NALF1: variants seen among roughly 807,000 people sequenced by gnomAD.
The protein encoded by NALF1 is NALCN channel auxiliary factor 1.
A neutral mutation model predicts 48.4 loss-of-function variants in NALF1; 3 were observed. The observed-to-expected ratio is 0.06, with a 90% CI of 0.03 to 0.16. NALF1 has a LOEUF of 0.16. NALF1 is among the 10% of genes least tolerant of loss of function. The pLI is 1.00. For synonymous variants in NALF1, 262 were observed against 245.7 expected, an observed-to-expected ratio of 1.07 and a Z score of -0.62; for missense variants, 526 against 571.5, an observed-to-expected ratio of 0.92 and a Z score of 0.81.
At chr13:107,718,788 T>G (rs1453799687) in intron 1 of NALF1, among the ~76,000 whole-genome samples, 1 of 152,322 alleles carries the variant, frequency 6.6e-6, no homozygotes, top group East Asian at 1.9e-4. Context: ...TACTTGTAGC[T>G]ATTCAAGCTT....
At chr13:107,578,134 T>C (rs139171702) in intron 1 of NALF1, among the ~76,000 whole-genome samples, 1 of 152,144 alleles carries the variant, frequency 6.6e-6, no homozygotes, top group Non-Finnish European at 1.5e-5. Flanking sequence ...TCACTGGAAC[T>C]TAACATTTGA....
rs192242883 is a variant in NALF1 at position 107,537,558 on chromosome 13, C to T, written c.916-326803G>A. Among the ~76,000 whole-genome samples, 100 of 152,122 alleles carry T rather than the reference C, an allele frequency of 6.6e-4. 1 individual carries two copies. Among genetic ancestry groups the T allele is most frequent in the African/African-American group, 1.7e-3 (69 of 41,522 alleles). ...TAATGATACAGTTGTCGTCTTATATCGGAATGTGAAACTCAAAAGCCTTCA... is the reference window on the plus strand; with the variant it reads ...TAATGATACAGTTGTCGTCTTATATTGGAATGTGAAACTCAAAAGCCTTCA... On this transcript the variant is annotated intron_variant, in intron 1 of 2. Transcript: ENST00000375915.
chr13:107,726,674 A>C (rs1357420255), intron 1 of NALF1, among the ~76,000 whole-genome samples: 1 of 138,868 alleles, frequency 7.2e-6, no homozygotes, highest in African/African-American at 2.7e-5. Context: ...CAGTGGCGCT[A>C]TCTCTGTTCA....
chr13:107,319,444 A>AC (rs769167184), intron 1 of NALF1, among the ~76,000 whole-genome samples: 1 of 152,074 alleles, frequency 6.6e-6, no homozygotes, highest in Non-Finnish European at 1.5e-5. Context: ...ACAGCCAAGA[A>AC]CACCACTGGA....
At chr13:107,746,227 A>G (rs2138548368) in intron 1 of NALF1, among the ~76,000 whole-genome samples, 1 of 152,326 alleles carries the variant, frequency 6.6e-6, no homozygotes. Flanking sequence ...TTCCTCTTCC[A>G]CCATGATTGT....
chr13:107,250,788 T>C (rs1314354120), intron 1 of NALF1, among the ~76,000 whole-genome samples: 1 of 152,112 alleles, frequency 6.6e-6, no homozygotes, highest in East Asian at 1.9e-4. Flanking sequence ...TAGTGGGAAG[T>C]GATTGGATCA....
At chr13:107,415,849 A>G (rs1482446544) in intron 1 of NALF1, among the ~76,000 whole-genome samples, 1 of 152,166 alleles carries the variant, frequency 6.6e-6, no homozygotes, top group East Asian at 1.9e-4. Flanking sequence ...TAACTACAAT[A>G]TTGAGAAACT....
intron 1 of NALF1, among the ~76,000 whole-genome samples, chr13:107,779,000 CAGTCAAT>C (rs1483420919): frequency 6.6e-6 from 1 of 152,206 alleles, no homozygotes; most frequent in African/African-American, 2.4e-5. Flanking sequence ...ACCTTCTCTA[CAGTCAAT>C]AGTCAAGTTC....
intron 1 of NALF1, among the ~76,000 whole-genome samples, chr13:107,583,997 T>C (rs186800604): frequency 2.0e-5 from 3 of 152,228 alleles, no homozygotes; most frequent in African/African-American, 2.4e-5. Flanking sequence ...AGGGAGTATA[T>C]AGCAATGAGG....
chr13:107,598,813 TC>T (rs759830396), intron 1 of NALF1, among the ~76,000 whole-genome samples: 3 of 152,062 alleles, frequency 2.0e-5, no homozygotes, highest in Non-Finnish European at 2.9e-5. Flanking sequence ...GCAGTGGCCT[TC>T]TCCCTCCATT....
At chr13:107,388,229 C>A (rs879915475) in intron 1 of NALF1, among the ~76,000 whole-genome samples, 1 of 152,170 alleles carries the variant, frequency 6.6e-6, no homozygotes, top group Non-Finnish European at 1.5e-5. Flanking sequence ...TTTTTTCCAA[C>A]TCTGATCTCA....
intron 1 of NALF1, among the ~76,000 whole-genome samples, chr13:107,460,818 T>C (rs140710047): frequency 4.6e-5 from 7 of 152,356 alleles, no homozygotes; most frequent in African/African-American, 1.7e-4. Context: ...CTAAGGATTC[T>C]TTGCAGACTA....
chr13:107,448,399 G>C (rs1884685362), intron 1 of NALF1, among the ~76,000 whole-genome samples: 1 of 152,116 alleles, frequency 6.6e-6, no homozygotes, highest in Non-Finnish European at 1.5e-5. Flanking sequence ...CTCATGTTAT[G>C]AAAGTATGAG....
At chr13:107,223,755 T>G (rs1880042210) in intron 1 of NALF1, among the ~76,000 whole-genome samples, 1 of 152,170 alleles carries the variant, frequency 6.6e-6, no homozygotes, top group Non-Finnish European at 1.5e-5. Flanking sequence ...GTGTGTTGTG[T>G]GTATCTTAGA....
intron 2 of NALF1, among the ~76,000 whole-genome samples, chr13:107,175,907 T>A (rs1878917380): frequency 6.6e-6 from 1 of 152,112 alleles, no homozygotes; most frequent in African/African-American, 2.4e-5. Flanking sequence ...TCCACTTGAC[T>A]CAAGTCAAGG....
intron 1 of NALF1, among the ~76,000 whole-genome samples, chr13:107,560,481 T>C (rs1376421095): frequency 1.3e-5 from 2 of 152,224 alleles, no homozygotes; most frequent in African/African-American, 2.4e-5. Flanking sequence ...AAATATATTT[T>C]ATGGTTTCTT....
In NALF1 at chr13:107,676,184, A is replaced by G. The variant is rs61966006; in HGVS notation, c.915+189498T>C. On this transcript the variant is annotated intron_variant, in intron 1 of 2. Coordinates refer to ENST00000375915, the MANE Select transcript of NALF1 (RefSeq NM_001080396.3). ...GAGTATAATCAAATTAAACAAATGC[A>G]CACTATGACCAAATGACCACTCCAG... 6.2e-3 allele frequency among the ~76,000 whole-genome samples: 949 copies of G among 152,350 alleles called. 5 individuals carry two copies. The highest frequency in any genetic ancestry group is 9.4e-3 in the Non-Finnish European group (639 of 68,034).
chr13:107,784,255 T>C (rs1878008106), intron 1 of NALF1, among the ~76,000 whole-genome samples: 1 of 152,188 alleles, frequency 6.6e-6, no homozygotes, highest in South Asian at 2.1e-4. Flanking sequence ...ATTGTGTTTT[T>C]AAACAACCCG....
intron 1 of NALF1, among the ~76,000 whole-genome samples, chr13:107,853,503 C>A (rs1880369740): frequency 1.3e-5 from 2 of 152,160 alleles, no homozygotes; most frequent in South Asian, 4.1e-4. Flanking sequence ...GCAATTACAG[C>A]CTTTTGTAAA....
Sources: allele counts gnomAD v4.1 joint callset (sites outside exome capture counted in the v4.1 genomes callset), GRCh38; gene constraint gnomAD v4.1.1; transcripts MANE v1.5; gene names NCBI Gene and HGNC (gene_info 2026-07-23, HGNC 2026-07-21).